Variants in SENP7 observed in about 807,000 individuals in gnomAD.
SENP7 encodes the protein sentrin-specific protease 7.
Under a neutral mutation model 141.2 loss-of-function variants are expected in SENP7, and 64 were observed. The ratio of observed to expected loss-of-function variants is 0.45; its 90% CI spans 0.37 to 0.56. The LOEUF (loss-of-function observed/expected upper bound fraction) is 0.56, where lower values mean the gene tolerates loss of function less well. Ranked by LOEUF, SENP7 falls within the 20% of genes least tolerant of loss-of-function variation. SENP7 has a pLI of 0.00. For missense variants in SENP7, 1,025 were observed against 1,212.2 expected (o/e 0.85, Z 2.29); for synonymous variants, 382 against 426.4 (o/e 0.90, Z 1.28).
chr3:101,505,145 G>A (rs1338068895), intron 1 of SENP7, among the ~76,000 whole-genome samples: 1 of 152,178 alleles, frequency 6.6e-6, no homozygotes, highest in Non-Finnish European at 1.5e-5. Context: ...GCTAAATAAT[G>A]TGTATACACA....
chr3:101,488,954 G>A (rs972092583), intron 3 of SENP7, among the ~76,000 whole-genome samples: 1 of 152,194 alleles, frequency 6.6e-6, no homozygotes, highest in African/African-American at 2.4e-5. Context: ...CAGGCTAGCA[G>A]CAGACTTCTT....
intron 2 of SENP7, among the ~76,000 whole-genome samples, chr3:101,498,289 G>A (rs2108137796): frequency 6.6e-6 from 1 of 152,102 alleles, no homozygotes; most frequent in South Asian, 2.1e-4. Context: ...ATTATAAAGA[G>A]GAAAAAAGTA....
At chr3:101,422,663 C>T (rs886424301) in intron 4 of SENP7, among the ~76,000 whole-genome samples, 2 of 152,048 alleles carry the variant, frequency 1.3e-5, no homozygotes, top group Admixed American at 6.5e-5. Flanking sequence ...TATACTAATA[C>T]TCACTTAATT....
chr3:101,335,515 G>C (rs972845786), intron 17 of SENP7, among the ~76,000 whole-genome samples: 25 of 150,318 alleles, frequency 1.7e-4, no homozygotes, highest in African/African-American at 5.5e-4. Flanking sequence ...ATGTGTACAT[G>C]TGTGTGTGTG....
intron 5 of SENP7, among the ~76,000 whole-genome samples, chr3:101,403,494 T>G (rs1199148678): frequency 6.6e-6 from 1 of 152,218 alleles, no homozygotes; most frequent in East Asian, 1.9e-4. Flanking sequence ...AACCTGGGCC[T>G]GTTATCTTTG....
At chr3:101,425,286 C>A (rs1576310129) in intron 4 of SENP7, among the ~76,000 whole-genome samples, 1 of 152,144 alleles carries the variant, frequency 6.6e-6, no homozygotes, top group African/African-American at 2.4e-5. Flanking sequence ...AGTCCAGGAG[C>A]ACCTCAGCCC....
chr3:101,384,212 A>G (rs570518839), intron 6 of SENP7, among the ~76,000 whole-genome samples: 13 of 152,152 alleles, frequency 8.5e-5, no homozygotes, highest in African/African-American at 2.9e-4. Flanking sequence ...TACCTTACTC[A>G]CCCTCCAGTT....
chr3:101,417,541 C>A (rs4482646), intron 5 of SENP7, 52 bp downstream of exon 5: 569,859 of 1,373,300 alleles, frequency 0.41, 122,029 homozygotes, highest in Admixed American at 0.62. Flanking sequence ...GTACGGGATT[C>A]ATATTATTTC....
At chr3:101,364,742 A>AT (rs2107373988) in intron 10 of SENP7, 92 bp downstream of exon 10, 4 of 945,308 alleles carry the variant, frequency 4.2e-6, no homozygotes, top group Non-Finnish European at 6.1e-6. Flanking sequence ...TGTAATTTTC[A>AT]TTACAATATT....
intron 4 of SENP7, among the ~76,000 whole-genome samples, chr3:101,455,086 G>A (rs1400388456): frequency 1.3e-5 from 2 of 152,120 alleles, no homozygotes; most frequent in Non-Finnish European, 2.9e-5. Context: ...GATAGAGTCA[G>A]CAGTTCCAAA....
In SENP7 at chr3:101,398,870, AAAT is replaced by A. The variant is rs765211172; in HGVS notation, c.665_667del (p.Tyr222del). ...TTATCACTAAACATACCTTTCAGAT[AAAT>A]AACAGCTCTTGTGAGGGTTTAGATT... On this transcript the variant is annotated inframe_deletion, in exon 6 of 24. Coordinates refer to ENST00000394095, the MANE Select transcript of SENP7 (RefSeq NM_020654.5). 2.5e-6 allele frequency: 4 copies of A among 1,590,378 alleles called. No homozygotes were observed. In the African/African-American group the frequency reaches 5.4e-5, roughly 21 times the overall value.
At chr3:101,423,387 A>G (rs180692296) in intron 4 of SENP7, among the ~76,000 whole-genome samples, 1 of 152,342 alleles carries the variant, frequency 6.6e-6, no homozygotes, top group East Asian at 1.9e-4. Flanking sequence ...GTGATAATAA[A>G]GAAGATGACC....
intron 4 of SENP7, among the ~76,000 whole-genome samples, chr3:101,452,484 C>G (rs1243304643): frequency 6.6e-6 from 1 of 152,170 alleles, no homozygotes; most frequent in African/African-American, 2.4e-5. Flanking sequence ...GCTACAGTAA[C>G]CAAAACAGCA....
intron 11 of SENP7, among the ~76,000 whole-genome samples, chr3:101,359,577 G>A (rs1213550106): frequency 6.6e-6 from 1 of 151,598 alleles, no homozygotes; most frequent in Non-Finnish European, 1.5e-5. Context: ...GTTCCCTACT[G>A]TTTGTAATAG....
rs762311324 is a variant in SENP7, at chr3:101,327,830, C to T, written c.2865-14G>A. On this transcript the variant is annotated splice_polypyrimidine_tract_variant and intron_variant, in intron 22 of 23. Transcript: ENST00000394095. ...ACCTCTAAATACCTGAAATAATCAACAAATAAGAGTGACTAAAGTAGAAAT... is the reference window on the plus strand; with the variant it reads ...ACCTCTAAATACCTGAAATAATCAATAAATAAGAGTGACTAAAGTAGAAAT... The T allele has an allele frequency of 6.4e-6, 10 of 1,559,948 alleles. No individual in the cohort carries two copies. Among genetic ancestry groups the T allele is most frequent in the Non-Finnish European group, 8.8e-6 (10 of 1,140,074 alleles).
At chr3:101,432,909 C>G (rs572394602) in intron 4 of SENP7, among the ~76,000 whole-genome samples, 2 of 152,156 alleles carry the variant, frequency 1.3e-5, no homozygotes, top group Middle Eastern at 3.2e-3. Context: ...GGAAAATAAT[C>G]ACTGGAAGCT....
At chr3:101,327,392 T>C (rs895805228) in intron 23 of SENP7, among the ~76,000 whole-genome samples, 1 of 152,112 alleles carries the variant, frequency 6.6e-6, no homozygotes, top group African/African-American at 2.4e-5. Flanking sequence ...GATGGTTTTA[T>C]AAGGGGCTTC....
At chr3:101,340,306 C>G (rs2059296667) in intron 15 of SENP7, 95 bp from the exon 16 acceptor site, 1 of 1,397,864 alleles carries the variant, frequency 7.2e-7, no homozygotes, top group African/African-American at 1.5e-5. Context: ...CAGTGGTATT[C>G]TGTAACTCAA....
chr3:101,486,646 A>G (rs1451755019), intron 3 of SENP7, among the ~76,000 whole-genome samples: 1 of 152,248 alleles, frequency 6.6e-6, no homozygotes, highest in African/African-American at 2.4e-5. Flanking sequence ...ACATCAAAAC[A>G]GAACCTCTTC....
Sources: gnomAD v4.1 joint callset for allele counts (sites outside exome capture counted in the v4.1 genomes callset) on GRCh38, gnomAD v4.1.1 for gene constraint, MANE v1.5 for transcripts, NCBI Gene and HGNC (gene_info 2026-07-23, HGNC 2026-07-21) for gene names.